SPON1: variants seen among roughly 807,000 people sequenced by gnomAD.
SPON1 encodes the protein spondin 1.
A neutral mutation model predicts 111.7 loss-of-function variants in SPON1; 52 were observed. The observed-to-expected ratio is 0.47, with a 90% CI of 0.37 to 0.59. SPON1 has a LOEUF of 0.59. SPON1 is among the 20% of genes least tolerant of loss of function. The pLI is 0.00. For synonymous variants in SPON1, 410 were observed against 395.8 expected, an observed-to-expected ratio of 1.04 and a Z score of -0.43; for missense variants, 957 against 1,068.5, an observed-to-expected ratio of 0.90 and a Z score of 1.46.
At chr11:14,217,061 C>T (rs1341448322) in intron 6 of SPON1, among the ~76,000 whole-genome samples, 5 of 152,192 alleles carry the variant, frequency 3.3e-5, no homozygotes, top group African/African-American at 2.4e-5. Flanking sequence ...GAGAAGGTGG[C>T]GTGCGTCATA....
At chr11:14,139,761 A>G (rs1554928567) in intron 6 of SPON1, among the ~76,000 whole-genome samples, 1 of 151,300 alleles carries the variant, frequency 6.6e-6, no homozygotes, top group Non-Finnish European at 1.5e-5. Flanking sequence ...TGGTAGTGAC[A>G]TAAAGAGGAT....
At chr11:14,129,590 T>G (rs1300486032) in intron 5 of SPON1, among the ~76,000 whole-genome samples, 3 of 152,224 alleles carry the variant, frequency 2.0e-5, no homozygotes, top group African/African-American at 7.2e-5. Flanking sequence ...CACATCTTCC[T>G]GTCTTCTTGT....
intron 6 of SPON1, among the ~76,000 whole-genome samples, chr11:14,160,289 A>C (rs77760061): frequency 9.1e-6 from 1 of 110,392 alleles, no homozygotes; most frequent in African/African-American, 3.2e-5. Flanking sequence ...AAAAAAGTTG[A>C]AAATATCACT....
chr11:14,248,416 A>G (rs942466142), intron 7 of SPON1, among the ~76,000 whole-genome samples: 1 of 151,994 alleles, frequency 6.6e-6, no homozygotes, highest in Admixed American at 6.5e-5. Flanking sequence ...AACTGAAATG[A>G]ATATTTTGGG....
At chr11:14,067,319 A>C (rs1256967550) in intron 3 of SPON1, among the ~76,000 whole-genome samples, 1 of 152,160 alleles carries the variant, frequency 6.6e-6, no homozygotes, top group Non-Finnish European at 1.5e-5. Flanking sequence ...TCTTTCCATC[A>C]GTTAGGCACA....
intron 3 of SPON1, among the ~76,000 whole-genome samples, chr11:14,062,057 G>C (rs944898818): frequency 4.6e-5 from 7 of 152,140 alleles, no homozygotes; most frequent in Non-Finnish European, 7.3e-5. Context: ...GGTCACAGTG[G>C]GATATACCAC....
rs1591379015 is a variant in SPON1 at position 14,113,601 on chromosome 11, T to A, written c.677-21819T>A. Among the ~76,000 whole-genome samples, 5 of 66,842 alleles carry A rather than the reference T, an allele frequency of 7.5e-5. 2 individuals are homozygous for A. The highest frequency in any genetic ancestry group is 1.2e-4 in the African/African-American group (2 of 16,224). 43.9% of individuals were successfully genotyped at this position (66,842 alleles called of 152,430 possible). ...TTTTTTTTTTTTTTTTTTTTTTTTT[T>A]TTTTTTTTTTTTTTTTTTTGAGACG... On this transcript the variant is annotated intron_variant, in intron 5 of 15. Transcript: ENST00000576479.
intron 6 of SPON1, among the ~76,000 whole-genome samples, chr11:14,195,914 T>C (rs1172590133): frequency 2.0e-5 from 3 of 152,236 alleles, no homozygotes; most frequent in Admixed American, 6.5e-5. Context: ...TTTCTGGGTC[T>C]GAGGGTGTAT....
intron 5 of SPON1, among the ~76,000 whole-genome samples, chr11:14,086,667 A>C (rs782655919): frequency 6.6e-6 from 1 of 152,150 alleles, no homozygotes; most frequent in Non-Finnish European, 1.5e-5. Flanking sequence ...TCAGAAAATG[A>C]GTTGGGGAGG....
In SPON1 at chr11:14,262,741, C is replaced by CAGTGGT; in HGVS notation, c.2027_2032dup (p.Trp677_Ser678insTer). 1 of 1,613,924 alleles carries CAGTGGT rather than the reference C, an allele frequency of 6.2e-7. No homozygotes were observed. Among genetic ancestry groups the CAGTGGT allele is most frequent in the Non-Finnish European group, 8.5e-7 (1 of 1,179,878 alleles). ...TGACTGTGAGCTCACCGAGTGGTCC[C>CAGTGGT]AGTGGTCGGAATGTAACAAGTCATG... On this transcript the variant is annotated stop_gained and inframe_insertion, in exon 15 of 16. Coordinates refer to ENST00000576479, the MANE Select transcript of SPON1 (RefSeq NM_006108.4). LOFTEE classifies it high-confidence loss of function.
chr11:14,235,670 C>A (rs1252099437), intron 6 of SPON1, among the ~76,000 whole-genome samples: 7 of 100,162 alleles, frequency 7.0e-5, no homozygotes, highest in Non-Finnish European at 1.1e-4. Context: ...CAGAGAAAGA[C>A]CCTGCCTCAA....
chr11:13,972,544 A>G lies in SPON1; in HGVS notation c.238+9402A>G, dbSNP rs912220916. On this transcript the variant is annotated intron_variant, in intron 1 of 15. Transcript: ENST00000576479. ...GTAAGTCTTTATCAATGAAGTTGAT[A>G]AGAATATTGAGCAACTCAGAGTCTA... Among the ~76,000 whole-genome samples the G allele has an allele frequency of 2.6e-5, 4 of 152,210 alleles. No homozygotes were observed. In the South Asian group the frequency reaches 8.3e-4, roughly 32 times the overall value.
chr11:13,994,687 G>A (rs1848258133), intron 2 of SPON1, among the ~76,000 whole-genome samples: 1 of 152,136 alleles, frequency 6.6e-6, no homozygotes, highest in Admixed American at 6.5e-5. Context: ...TGAGAGATTT[G>A]GATTTATGGC....
intron 6 of SPON1, among the ~76,000 whole-genome samples, chr11:14,146,199 G>C (rs1847716519): frequency 6.7e-6 from 1 of 149,296 alleles, no homozygotes; most frequent in Admixed American, 6.8e-5. Flanking sequence ...GCCCAGGCTG[G>C]AGTGCAGTGG....
intron 1 of SPON1, among the ~76,000 whole-genome samples, chr11:13,968,635 T>C (rs1353325778): frequency 2.0e-5 from 3 of 152,222 alleles, no homozygotes; most frequent in Admixed American, 6.5e-5. Flanking sequence ...AGCTTATTTC[T>C]ACTAAACAGC....
chr11:14,261,908 C>G (rs11023164), intron 14 of SPON1, among the ~76,000 whole-genome samples: 1 of 151,950 alleles, frequency 6.6e-6, no homozygotes, highest in Admixed American at 6.6e-5. Context: ...CTTCCACAGG[C>G]GGGATAAAAG....
chr11:14,072,223 T>C (rs1203989531), intron 3 of SPON1, among the ~76,000 whole-genome samples: 1 of 152,124 alleles, frequency 6.6e-6, no homozygotes, highest in East Asian at 1.9e-4. Context: ...GACTAGCACA[T>C]AGTAAGGGCT....
chr11:14,107,047 G>A (rs1386461531), intron 5 of SPON1, among the ~76,000 whole-genome samples: 1 of 152,180 alleles, frequency 6.6e-6, no homozygotes, highest in Non-Finnish European at 1.5e-5. Flanking sequence ...CAATTTAAGA[G>A]CAAAATGTAC....
Position 14,259,079 on chromosome 11 carries a change from C to G in SPON1, c.1493-201C>G, listed in dbSNP as rs1554941554. Among the ~76,000 whole-genome samples, 1 of 152,252 alleles carries G rather than the reference C, an allele frequency of 6.6e-6. No individual in the cohort carries two copies. Among genetic ancestry groups the G allele is most frequent in the African/African-American group, 2.4e-5 (1 of 41,470 alleles). On this transcript the variant is annotated intron_variant, in intron 11 of 15. Transcript: ENST00000576479. The surrounding 1 kb of genome is among the most constrained non-coding windows in gnomAD (Gnocchi z 5.0). ...TATTTTCATGAGATAAAGAGTAATTCTGAGTGTCCCATGCACCTGGAAAAG... is the reference window on the plus strand; with the variant it reads ...TATTTTCATGAGATAAAGAGTAATTGTGAGTGTCCCATGCACCTGGAAAAG...
Sources: gnomAD v4.1 joint callset for allele counts (sites outside exome capture counted in the v4.1 genomes callset) on GRCh38, gnomAD v4.1.1 for gene constraint, Gnocchi (gnomAD v3.1) non-coding constraint, MANE v1.5 for transcripts, NCBI Gene and HGNC (gene_info 2026-07-23, HGNC 2026-07-21) for gene names.